The following SLC4A4 variants were observed in gnomAD, a reference collection of about 807,000 sequenced individuals.
The protein encoded by SLC4A4 is solute carrier family 4 member 4.
SLC4A4 carries 27 observed loss-of-function variants against 111.5 expected under a neutral mutation model. The ratio of observed to expected loss-of-function variants is 0.24; its 90% CI spans 0.18 to 0.33. The LOEUF is 0.33. Ranked by LOEUF, SLC4A4 falls within the 10% of genes least tolerant of loss-of-function variation. The pLI is 1.00. For synonymous variants in SLC4A4, 443 were observed against 463.4 expected (o/e 0.96, Z 0.57); for missense variants, 909 against 1,315.5 (o/e 0.69, Z 4.78).
chr4:71,096,794 T>C (rs187250634), intron 2 of SLC4A4, among the ~76,000 whole-genome samples: 1 of 152,306 alleles, frequency 6.6e-6, no homozygotes, highest in African/African-American at 2.4e-5. Flanking sequence ...AGGACTGAAA[T>C]GAGTCCACTG....
At chr4:71,235,502 C>T (rs1326560533) in intron 1 of SLC4A4, among the ~76,000 whole-genome samples, 2 of 152,164 alleles carry the variant, frequency 1.3e-5, no homozygotes, top group Non-Finnish European at 2.9e-5. Context: ...CAGCTGTCCC[C>T]AGAGAAAGTT....
chr4:71,332,255 G>C (rs534877356), intron 3 of SLC4A4, among the ~76,000 whole-genome samples: 1 of 152,040 alleles, frequency 6.6e-6, no homozygotes, highest in East Asian at 1.9e-4. Flanking sequence ...TCTTTAAGAT[G>C]CATTGTTCGG....
chr4:71,531,222 A>T (rs1028978728), intron 16 of SLC4A4, among the ~76,000 whole-genome samples: 1 of 152,088 alleles, frequency 6.6e-6, no homozygotes, highest in African/African-American at 2.4e-5. Context: ...TGCTCCCCTT[A>T]CCAACTTGCA....
intron 2 of SLC4A4, among the ~76,000 whole-genome samples, chr4:71,153,422 T>G (rs1744369937): frequency 6.6e-6 from 1 of 152,084 alleles, no homozygotes; most frequent in Non-Finnish European, 1.5e-5. Flanking sequence ...TCATCACAAC[T>G]GGCTTCCTGG....
In SLC4A4 at chr4:71,088,882, C is replaced by T. The variant is rs192829329; in HGVS notation, c.-64-3848C>T. 2.4e-3 allele frequency among the ~76,000 whole-genome samples: 359 copies of T among 152,060 alleles called. 5 individuals carry two copies. The highest frequency in any genetic ancestry group is 8.4e-3 in the African/African-American group (347 of 41,382). On this transcript the variant is annotated intron_variant, in intron 1 of 26. Coordinates refer to the SLC4A4 transcript ENST00000649996. Reference sequence around the variant, plus strand: ...TTTGGTGAATCTGACAATTATGTGGCTTGGAGTTGCTCTTCTTGAGGAGTA... The same window carrying T: ...TTTGGTGAATCTGACAATTATGTGGTTTGGAGTTGCTCTTCTTGAGGAGTA...
At position 71,187,315 on chromosome 4, in the gene SLC4A4, G is replaced by C. The variant is rs1354080156; in HGVS notation, c.-88G>C. ...CGGCGGCCGCGGTGGCAGCGAAGGC[G>C]GCGGCGGCGGCGGCAGTGGCAGTGG... On this transcript the variant is annotated 5_prime_UTR_variant, in exon 1 of 26. Transcript: ENST00000264485. 6.5e-6 allele frequency: 1 copy of C among 154,342 alleles called. No homozygotes were observed. The highest frequency in any genetic ancestry group is 1.4e-5 in the Non-Finnish European group (1 of 70,524). The allele number at this position is 154,342 out of a possible 1,614,324, so 9.6% of individuals were successfully genotyped here.
At chr4:71,224,656 T>A (rs1167894846) in intron 1 of SLC4A4, among the ~76,000 whole-genome samples, 1 of 152,134 alleles carries the variant, frequency 6.6e-6, no homozygotes, top group African/African-American at 2.4e-5. Flanking sequence ...GACATTGATT[T>A]GGGGGGGATT....
intron 5 of SLC4A4, 83 bp downstream of exon 5, chr4:71,350,155 G>A: frequency 3.0e-6 from 4 of 1,311,776 alleles, no homozygotes; most frequent in Non-Finnish European, 4.4e-6. Flanking sequence ...GACTAGTACT[G>A]TAAGCAGAGT....
chr4:71,300,625 T>G (rs1484252896), intron 3 of SLC4A4: 1 of 350,672 alleles, frequency 2.9e-6, no homozygotes, highest in South Asian at 3.0e-5. Flanking sequence ...CAGCTCTGTA[T>G]GCAGTGACGA....
chr4:71,275,005 C>G (rs1225041491), intron 3 of SLC4A4, among the ~76,000 whole-genome samples: 2 of 151,944 alleles, frequency 1.3e-5, no homozygotes, highest in African/African-American at 4.8e-5. Context: ...CCATTTGAGG[C>G]CAAATGACCC....
chr4:71,105,441 CA>C (rs1391788666), intron 2 of SLC4A4, among the ~76,000 whole-genome samples: 9 of 151,246 alleles, frequency 6.0e-5, no homozygotes, highest in Admixed American at 5.3e-4. Context: ...CATATGGAAC[CA>C]AAAAAGAGCC....
rs150040208 is a variant in SLC4A4, at chr4:71,300,031, G to A, written c.254-39339G>A. 1.7e-3 allele frequency among the ~76,000 whole-genome samples: 259 copies of A among 152,332 alleles called. 2 individuals are homozygous for A. The highest frequency in any genetic ancestry group is 6.0e-3 in the African/African-American group (250 of 41,560). ...GGAAGAACTTGATGAGAGGGCAGGA[G>A]GATGTTAAGAATTTCCTTAATCAAA... On this transcript the variant is annotated intron_variant, in intron 3 of 25. Coordinates refer to ENST00000264485, the MANE Select transcript of SLC4A4 (RefSeq NM_001098484.3).
chr4:71,128,434 G>A (rs1016837038), intron 2 of SLC4A4, among the ~76,000 whole-genome samples: 1 of 152,124 alleles, frequency 6.6e-6, no homozygotes, highest in East Asian at 1.9e-4. Flanking sequence ...GGGACACAGA[G>A]CCAAACCATA....
intron 2 of SLC4A4, among the ~76,000 whole-genome samples, chr4:71,238,380 A>G (rs900868399): frequency 2.0e-5 from 3 of 152,238 alleles, no homozygotes; most frequent in African/African-American, 7.2e-5. Context: ...TTAAGACGAC[A>G]ATATAAATGA....
chr4:71,277,007 G>A (rs562406815), intron 3 of SLC4A4, among the ~76,000 whole-genome samples: 74 of 152,292 alleles, frequency 4.9e-4, no homozygotes, highest in Middle Eastern at 6.8e-3. Flanking sequence ...TTGTGCCACT[G>A]CACTCCAGCC....
chr4:71,262,347 T>C (rs1721920563), intron 3 of SLC4A4, among the ~76,000 whole-genome samples: 1 of 152,158 alleles, frequency 6.6e-6, no homozygotes, highest in South Asian at 2.1e-4. Flanking sequence ...TATAAATAAA[T>C]TCTGCGGAAT....
At chr4:71,067,888 C>T (rs1741564905) in intron 1 of SLC4A4, among the ~76,000 whole-genome samples, 1 of 151,808 alleles carries the variant, frequency 6.6e-6, no homozygotes, top group South Asian at 2.1e-4. Context: ...GCTGGGACTA[C>T]AGGCCTGAGA....
intron 18 of SLC4A4, among the ~76,000 whole-genome samples, chr4:71,545,936 A>T (rs1452232080): frequency 6.6e-6 from 1 of 152,074 alleles, no homozygotes; most frequent in Non-Finnish European, 1.5e-5. Flanking sequence ...AGCACCTATG[A>T]CATTAACAAC....
At chr4:71,351,937 A>G (rs553205321) in intron 5 of SLC4A4, among the ~76,000 whole-genome samples, 2 of 152,332 alleles carry the variant, frequency 1.3e-5, no homozygotes, top group South Asian at 2.1e-4. Context: ...AATTTTATAT[A>G]GCATTTTTCA....
Sources: gnomAD v4.1 joint callset for allele counts (sites outside exome capture counted in the v4.1 genomes callset) on GRCh38, gnomAD v4.1.1 for gene constraint, MANE v1.5 for transcripts, NCBI Gene and HGNC (gene_info 2026-07-23, HGNC 2026-07-21) for gene names.